The following INAVA variants were observed in gnomAD, a reference collection of about 807,000 sequenced individuals.
INAVA encodes innate immunity activator, also known as innate immunity activator protein.
A neutral mutation model predicts 55.3 loss-of-function variants in INAVA; 32 were observed. That is an observed-to-expected ratio of 0.58 (90% CI 0.44 to 0.78). INAVA has a LOEUF of 0.78. Ranked by LOEUF, INAVA falls within the 30% of genes least tolerant of loss-of-function variation. The pLI, the probability that INAVA is intolerant of heterozygous loss-of-function variation, is 0.00. For synonymous variants in INAVA, 294 were observed against 329.4 expected (o/e 0.89, Z 1.16); for missense variants, 756 against 786.4 (o/e 0.96, Z 0.46).
In INAVA at chr1:200,899,672, G is replaced by A. The variant is rs373514861; in HGVS notation, c.180+75G>A. 3.9e-6 allele frequency: 6 copies of A among 1,556,650 alleles called. No individual in the cohort carries two copies. The African/African-American group carries it at 4.1e-5, about 11-fold the overall frequency. The stretch of plus-strand genomic sequence containing the variant: ...TGGAGCCACGTGTGGGGATGCGGGA[G>A]CTGGGGAGAGGGAGCCCCATTCTTG... On this transcript the variant is annotated intron_variant, in intron 3 of 9. Transcript: ENST00000413687.
At position 200,905,691 on chromosome 1, in the gene INAVA, C is replaced by A. The variant is rs1437464013; in HGVS notation, c.521-2143C>A. Reference sequence around the variant, plus strand: ...CTCTGCTACTTCAGTGCTAAAACAGCCAGACATTACATAAACAAATTCATA... The same window carrying A: ...CTCTGCTACTTCAGTGCTAAAACAGACAGACATTACATAAACAAATTCATA... On this transcript the variant is annotated intron_variant, in intron 5 of 9. Transcript: ENST00000413687. Among the ~76,000 whole-genome samples, 3 of 152,216 alleles carry A rather than the reference C, an allele frequency of 2.0e-5. No individual in the cohort carries two copies. In the East Asian group the frequency reaches 5.8e-4, roughly 29 times the overall value.
intron 8 of INAVA, among the ~76,000 whole-genome samples, chr1:200,911,109 T>TAAAAAAGTACTTAATGTAGTACTTAA (rs1653698257): frequency 7.9e-6 from 1 of 126,870 alleles, no homozygotes; most frequent in African/African-American, 2.7e-5. Context: ...TGTAGTACTT[T>TAAAAAAGTACTTAATGTAGTACTTAA]AAAAAAGTAC....
In INAVA at chr1:200,909,499, T is replaced by C; in HGVS notation, c.959+102T>C. On this transcript the variant is annotated intron_variant, in intron 8 of 9. Transcript: ENST00000413687. ...AGGTGGGACAACCCTGGGTGACACA[T>C]GGCTAGTGCCTTGACTTCTCTTAGG... is the stretch of plus-strand genomic sequence containing the variant. The C allele has an allele frequency of 2.8e-6, 3 of 1,090,714 alleles. No homozygotes were observed. In the African/African-American group the frequency reaches 4.8e-5, roughly 17 times the overall value. 67.6% of individuals were successfully genotyped at this position (1,090,714 alleles called of 1,614,324 possible).
intron 6 of INAVA, 24 bp downstream of exon 6, chr1:200,907,911 A>T: frequency 6.2e-7 from 1 of 1,601,818 alleles, no homozygotes; most frequent in Non-Finnish European, 8.5e-7. Context: ...TTGGGGGACT[A>T]TTGTCAAGGC....
chr1:200,913,883 G>A lies in INAVA; in HGVS notation c.*254G>A, dbSNP rs1454875808. 3 of 459,296 alleles carry A rather than the reference G, an allele frequency of 6.5e-6. No homozygotes were observed. The East Asian group carries it at 1.1e-4, about 17-fold the overall frequency. The allele number at this position is 459,296 out of a possible 1,614,324, so 28.5% of individuals were successfully genotyped here. A position where few individuals can be genotyped will look rare whatever the true frequency, so the allele number is the denominator to read the frequency against. Reference sequence around the variant, plus strand: ...CAGAGTTTGGCCTACTGGACTTAAGGCCTTGCCTGTCTGACTGACAGCCTC... The same window carrying A: ...CAGAGTTTGGCCTACTGGACTTAAGACCTTGCCTGTCTGACTGACAGCCTC... On this transcript the variant is annotated 3_prime_UTR_variant, in exon 10 of 10. Coordinates refer to ENST00000413687, the MANE Select transcript of INAVA (RefSeq NM_001142569.3).
At chr1:200,901,258 G>C in intron 5 of INAVA, 99 bp downstream of exon 5, 3 of 1,170,776 alleles carry the variant, frequency 2.6e-6, no homozygotes, top group Non-Finnish European at 3.5e-6. Flanking sequence ...TTTGGCTCCA[G>C]CTGGGTAAAG....
intron 5 of INAVA, among the ~76,000 whole-genome samples, chr1:200,904,801 T>C (rs1208343161): frequency 2.0e-5 from 3 of 151,854 alleles, no homozygotes; most frequent in Admixed American, 6.6e-5. Flanking sequence ...AGTGTGATCA[T>C]ACCTCACTGC....
intron 5 of INAVA, among the ~76,000 whole-genome samples, chr1:200,902,534 C>A (rs1653310704): frequency 6.6e-6 from 1 of 152,232 alleles, no homozygotes; most frequent in African/African-American, 2.4e-5. Context: ...GGCCGCAGAA[C>A]AACACTCCCA....
In INAVA at chr1:200,909,065, G is replaced by A. The variant is rs1204805831; in HGVS notation, c.785+125G>A. On this transcript the variant is annotated intron_variant, in intron 7 of 9. Coordinates refer to ENST00000413687, the MANE Select transcript of INAVA (RefSeq NM_001142569.3). ...GGTGGAGGAGAGAGCTCCTGCAGTC[G>A]TGGGATGGAGGTGTGAGCCTTGATA... is the stretch of plus-strand genomic sequence containing the variant. The A allele has an allele frequency of 1.7e-5, 22 of 1,297,378 alleles. 1 individual carries two copies. Among genetic ancestry groups the A allele is most frequent in the Admixed American group, 8.2e-5 (3 of 36,800 alleles). The allele number at this position is 1,297,378 out of a possible 1,614,324, so 80.4% of individuals were successfully genotyped here. A position where few individuals can be genotyped will look rare whatever the true frequency, so the allele number is the denominator to read the frequency against.
intron 6 of INAVA, 95 bp downstream of exon 6, chr1:200,907,982 A>C (rs1230763431): frequency 9.8e-7 from 1 of 1,017,082 alleles, no homozygotes; most frequent in Non-Finnish European, 1.5e-6. Flanking sequence ...TTTAAGTGGG[A>C]GTGAAGGCTA....
chr1:200,899,293 G>A (rs577515931), intron 2 of INAVA, among the ~76,000 whole-genome samples, 180 bp from the exon 3 acceptor site: 2 of 152,254 alleles, frequency 1.3e-5, no homozygotes, highest in African/African-American at 2.4e-5. Flanking sequence ...GCCAAGAGAC[G>A]TGGTGTTTTG....
chr1:200,902,609 G>T (rs1162985159), intron 5 of INAVA, among the ~76,000 whole-genome samples: 1 of 152,238 alleles, frequency 6.6e-6, no homozygotes, highest in Non-Finnish European at 1.5e-5. Flanking sequence ...GGGATCCCAG[G>T]ACTTGACAGC....
rs376170884 is a variant in INAVA, at chr1:200,901,104, C to A, written c.465C>A (p.Val155=). ...KKLQELQRCL[V]ERRRNSEPPP... ...TGCAGGAGCTCCAGCGCTGCCTGGT[C>A]GAGCGGCGGCGCAATAGCGAGCCAC... Residue 155 remains valine, a synonymous_variant, in exon 5 of 10, where the codon GTC becomes GTA. Transcript: ENST00000413687. The A allele has an allele frequency of 1.6e-5, 25 of 1,534,790 alleles. No homozygotes were observed. Among genetic ancestry groups the A allele is most frequent in the Admixed American group, 3.9e-5 (2 of 50,874 alleles).
intron 1 of INAVA, among the ~76,000 whole-genome samples, chr1:200,897,181 C>T (rs1463520933): frequency 2.0e-5 from 3 of 152,332 alleles, no homozygotes; most frequent in Middle Eastern, 3.4e-3. Flanking sequence ...TTCTCCACCC[C>T]GAAGCAGGCA....
intron 9 of INAVA, among the ~76,000 whole-genome samples, chr1:200,913,178 T>C (rs1169333322): frequency 6.6e-6 from 1 of 152,116 alleles, no homozygotes; most frequent in Non-Finnish European, 1.5e-5. Flanking sequence ...GGCCGCGCCC[T>C]CCAGCTGACG....
chr1:200,902,735 G>A (rs148706502), intron 5 of INAVA, among the ~76,000 whole-genome samples: 3 of 152,356 alleles, frequency 2.0e-5, no homozygotes, highest in African/African-American at 7.2e-5. Flanking sequence ...AGCGCCTCCT[G>A]CTCCCCGGTC....
In INAVA at chr1:200,911,865, G is replaced by A. The variant is rs1653750979; in HGVS notation, c.1372G>A (p.Gly458Ser). 4 of 1,592,808 alleles carry A rather than the reference G, an allele frequency of 2.5e-6. No individual in the cohort carries two copies. The African/African-American group carries it at 4.0e-5, about 16-fold the overall frequency. Residue 458 changes from glycine to serine, a missense_variant, in exon 9 of 10, where the codon GGC (glycine) becomes AGC (serine). Around this residue, in one of 2 missense-constraint regions of INAVA, gnomAD observed 639 missense variants for 624.3 expected, o/e 1.02. Coordinates refer to ENST00000413687, the MANE Select transcript of INAVA (RefSeq NM_001142569.3). ...GTGGGAGCTGCGCCGCGCAGCCCCG[G>A]GCCCTGCTTACGAGGAGGAGGGCAC... is the stretch of plus-strand genomic sequence containing the variant. Reference protein sequence around the residue: ...GEWELRRAAPGPAYEEEGTPL... With the variant: ...GEWELRRAAPSPAYEEEGTPL...
chr1:200,895,686 G>T (rs556897462), intron 1 of INAVA, among the ~76,000 whole-genome samples: 1 of 152,126 alleles, frequency 6.6e-6, no homozygotes, highest in African/African-American at 2.4e-5. Flanking sequence ...GGGCGGCCTC[G>T]GCAGAGGCAG....
intron 8 of INAVA, among the ~76,000 whole-genome samples, chr1:200,910,904 C>T (rs1653684503): frequency 1.3e-5 from 2 of 152,140 alleles, no homozygotes; most frequent in Admixed American, 1.3e-4. Flanking sequence ...GGTAACTGCT[C>T]TGGGTACCAC....
Sources: allele counts gnomAD v4.1 joint callset (sites outside exome capture counted in the v4.1 genomes callset), GRCh38; gene constraint gnomAD v4.1.1; regional missense constraint gnomAD v4.1.1; transcripts MANE v1.5; gene names NCBI Gene and HGNC (gene_info 2026-07-23, HGNC 2026-07-21).